PPHLN1: variants seen among roughly 807,000 people sequenced by gnomAD.
PPHLN1 encodes periphilin-1.
PPHLN1 carries 29 observed loss-of-function variants against 51.3 expected under a neutral mutation model. That is an observed-to-expected ratio of 0.57 (90% CI 0.42 to 0.77). The LOEUF (loss-of-function observed/expected upper bound fraction) is 0.77, where lower values mean the gene tolerates loss of function less well. PPHLN1 is among the 30% of genes least tolerant of loss of function. The pLI, the probability that PPHLN1 is intolerant of heterozygous loss-of-function variation, is 0.00. For synonymous variants in PPHLN1, 147 were observed against 147.8 expected, an observed-to-expected ratio of 0.99 and a Z score of 0.04; for missense variants, 436 against 438.4, an observed-to-expected ratio of 0.99 and a Z score of 0.05.
chr12:42,438,133 T>C (rs1374231944), intron 9 of PPHLN1, among the ~76,000 whole-genome samples: 5 of 152,196 alleles, frequency 3.3e-5, no homozygotes, highest in African/African-American at 1.2e-4. Flanking sequence ...TATAAAGATT[T>C]GTATGCAGGT....
At chr12:42,390,071 T>C (rs1444570243) in intron 7 of PPHLN1, among the ~76,000 whole-genome samples, 3 of 152,248 alleles carry the variant, frequency 2.0e-5, no homozygotes, top group African/African-American at 7.2e-5. Flanking sequence ...TAACGGTTGT[T>C]ACATCTGTTA....
intron 5 of PPHLN1, among the ~76,000 whole-genome samples, chr12:42,382,573 A>C (rs928448502): frequency 6.6e-6 from 1 of 152,224 alleles, no homozygotes; most frequent in Non-Finnish European, 1.5e-5. Flanking sequence ...AACGAGTAGC[A>C]AGCCTGTTAG....
Position 42,393,427 on chromosome 12 carries a change from A to C in PPHLN1, c.649-143A>C, listed in dbSNP as rs946617746. On this transcript the variant is annotated intron_variant, in intron 7 of 9. Coordinates refer to ENST00000358314, the MANE Select transcript of PPHLN1 (RefSeq NM_201439.2). ...AGTAATTCCATGTTGAATATTTTTG[A>C]AGGAGGAAATAAAGAATGTACCTGT... is the stretch of plus-strand genomic sequence containing the variant. The C allele has an allele frequency of 6.9e-6, 5 of 726,194 alleles. No homozygotes were observed. In the African/African-American group the frequency reaches 9.0e-5, roughly 13 times the overall value. 45.0% of individuals were successfully genotyped at this position (726,194 alleles called of 1,614,324 possible). A position where few individuals can be genotyped will look rare whatever the true frequency, so the allele number is the denominator to read the frequency against.
At chr12:42,444,289 G>C (rs1188811925), downstream of PPHLN1, 1 of 151,354 alleles carries the variant, frequency 6.6e-6, no homozygotes, top group Admixed American at 6.6e-5. Context: ...AACTATCTTT[G>C]CCCCACCTTG....
At chr12:42,344,122 T>C (rs1411741834) in intron 2 of PPHLN1, among the ~76,000 whole-genome samples, 1 of 152,208 alleles carries the variant, frequency 6.6e-6, no homozygotes, top group Non-Finnish European at 1.5e-5. Flanking sequence ...ATATATATTA[T>C]GGATGTGGTG....
chr12:42,409,071 G>T (rs1440144975), intron 9 of PPHLN1, among the ~76,000 whole-genome samples: 2 of 152,136 alleles, frequency 1.3e-5, no homozygotes, highest in Admixed American at 6.5e-5. Context: ...TGTAAAACTT[G>T]TGTGAATGTG....
At chr12:42,442,831 A>G (rs2083075945), downstream of PPHLN1, 7 of 1,584,948 alleles carry the variant, frequency 4.4e-6, no homozygotes, top group African/African-American at 1.4e-5. Flanking sequence ...TCCACACAAC[A>G]GAAACAGTAT....
chr12:42,423,165 A>T (rs565303931), intron 9 of PPHLN1, among the ~76,000 whole-genome samples: 30 of 152,302 alleles, frequency 2.0e-4, no homozygotes, highest in African/African-American at 6.7e-4. Flanking sequence ...ACAAATCAAG[A>T]TTAATTTTAA....
intron 4 of PPHLN1, among the ~76,000 whole-genome samples, chr12:42,373,864 C>A (rs1183767024): frequency 2.6e-5 from 4 of 152,126 alleles, no homozygotes; most frequent in Non-Finnish European, 5.9e-5. Flanking sequence ...ACTGAGGATG[C>A]ACACTCAGCA....
At chr12:42,361,619 GTGGTTGGTTGGT>G (rs559337633) in intron 4 of PPHLN1, 1 of 152,146 alleles carries the variant, frequency 6.6e-6, no homozygotes, top group African/African-American at 2.4e-5. Context: ...GTTAGCTTCT[GTGGTTGGTTGGT>G]TGGTTGGTTT....
intron 2 of PPHLN1, among the ~76,000 whole-genome samples, chr12:42,350,692 C>G (rs1163821318): frequency 1.3e-5 from 2 of 152,124 alleles, no homozygotes; most frequent in African/African-American, 2.4e-5. Context: ...ATTGAGTGAG[C>G]GAGACTCTGT....
At chr12:42,379,001 C>G (rs1298495377) in intron 5 of PPHLN1, among the ~76,000 whole-genome samples, 1 of 146,662 alleles carries the variant, frequency 6.8e-6, no homozygotes, top group Non-Finnish European at 1.5e-5. Flanking sequence ...TGATACTTTC[C>G]TAGGTAAAAT....
chr12:42,439,094 A>G (rs958744764), intron 9 of PPHLN1, among the ~76,000 whole-genome samples: 7 of 152,178 alleles, frequency 4.6e-5, no homozygotes, highest in African/African-American at 1.7e-4. Flanking sequence ...CTTTGATGTT[A>G]TATTTAAAAG....
chr12:42,356,181 A>G (rs1316097585), intron 4 of PPHLN1, among the ~76,000 whole-genome samples: 1 of 152,212 alleles, frequency 6.6e-6, no homozygotes, highest in African/African-American at 2.4e-5. Flanking sequence ...TCTCATAGAG[A>G]GTGGCAAGGC....
At position 42,388,659 on chromosome 12, in the gene PPHLN1, G is replaced by A. The variant is rs553412250; in HGVS notation, c.648+1124G>A. On this transcript the variant is annotated intron_variant, in intron 7 of 9. Transcript: ENST00000358314. Reference sequence around the variant, plus strand: ...GTCTTATTTCTTTTCTCAGTCTCTCGTCCCACCTGACGAGATATACCCACA... The same window carrying A: ...GTCTTATTTCTTTTCTCAGTCTCTCATCCCACCTGACGAGATATACCCACA... Among the ~76,000 whole-genome samples, 10 of 152,100 alleles carry A rather than the reference G, an allele frequency of 6.6e-5. No individual in the cohort carries two copies. The South Asian group carries it at 1.5e-3, about 22-fold the overall frequency.
chr12:42,397,587 A>T (rs543980877), intron 8 of PPHLN1, among the ~76,000 whole-genome samples: 2 of 144,834 alleles, frequency 1.4e-5, no homozygotes, highest in South Asian at 4.4e-4. Flanking sequence ...GTATAGGCCT[A>T]TGTCTTAGTT....
chr12:42,426,529 C>T (rs2081514401), intron 9 of PPHLN1, among the ~76,000 whole-genome samples: 1 of 152,190 alleles, frequency 6.6e-6, no homozygotes, highest in South Asian at 2.1e-4. Flanking sequence ...AGGCCAATAA[C>T]TCCAGAGTGC....
chr12:42,385,092 C>A, intron 6 of PPHLN1, 96 bp downstream of exon 6: 1 of 1,278,738 alleles, frequency 7.8e-7, no homozygotes, highest in Non-Finnish European at 1.1e-6. Context: ...ATAACTGCTC[C>A]ATTAGTCTAT....
At chr12:42,369,200 A>G (rs764143243) in intron 4 of PPHLN1, among the ~76,000 whole-genome samples, 8 of 152,220 alleles carry the variant, frequency 5.3e-5, no homozygotes, top group Non-Finnish European at 8.8e-5. Context: ...TCTGACCCCT[A>G]GTTTAGTGAG....
Sources: allele counts gnomAD v4.1 joint callset (sites outside exome capture counted in the v4.1 genomes callset), GRCh38; gene constraint gnomAD v4.1.1; transcripts MANE v1.5; gene names NCBI Gene and HGNC (gene_info 2026-07-23, HGNC 2026-07-21).